SNRPD1: variants seen among roughly 807,000 people sequenced by gnomAD.
The protein encoded by SNRPD1 is small nuclear ribonucleoprotein Sm D1.
A neutral mutation model predicts 14.4 loss-of-function variants in SNRPD1; 1 was observed. The observed-to-expected ratio is 0.07, with a 90% confidence interval of 0.02 to 0.33. The LOEUF is 0.33. Among genes scored for constraint, SNRPD1 ranks in the 10% least tolerant of loss-of-function variants. The probability of loss-of-function intolerance (pLI) is 1.00; values close to 1 mark genes in which losing one functional copy is unlikely to be tolerated. For synonymous variants in SNRPD1, 42 were observed against 50.3 expected, an observed-to-expected ratio of 0.83 and a Z score of 0.70; for missense variants, 52 against 146.4, an observed-to-expected ratio of 0.36 and a Z score of 3.33.
chr18:21,622,718 T>G lies in SNRPD1; in HGVS notation c.15-7T>G. 7.3e-7 allele frequency: 1 copy of G among 1,374,816 alleles called. No homozygotes were observed. The highest frequency in any genetic ancestry group is 1.0e-6 in the Non-Finnish European group (1 of 963,022). The allele number at this position is 1,374,816 out of a possible 1,614,324, so 85.2% of individuals were successfully genotyped here. A position where few individuals can be genotyped will look rare whatever the true frequency, so the allele number is the denominator to read the frequency against. On this transcript the variant is annotated splice_region_variant and splice_polypyrimidine_tract_variant and intron_variant, in intron 1 of 3. Coordinates refer to ENST00000300413, the MANE Select transcript of SNRPD1 (RefSeq NM_006938.4). The stretch of plus-strand genomic sequence containing the variant: ...ACAGGTAAAAATGGTTTTATTCCTA[T>G]TTATAGATTTTTGATGAAATTGAGT...
At chr18:21,623,661 A>G in intron 2 of SNRPD1, 87 bp from the exon 3 acceptor site, 1 of 911,450 alleles carries the variant, frequency 1.1e-6, no homozygotes, top group South Asian at 1.5e-5. Context: ...AATCTTTTGT[A>G]GTCCAGTATT....
At chr18:21,621,190 A>T (rs888103452) in intron 1 of SNRPD1, among the ~76,000 whole-genome samples, 1 of 151,994 alleles carries the variant, frequency 6.6e-6, no homozygotes, top group Admixed American at 6.6e-5. Context: ...TAAGATATTC[A>T]ATCTCACAGG....
intron 3 of SNRPD1, among the ~76,000 whole-genome samples, chr18:21,625,309 GAAA>G (rs201010894): frequency 2.3e-5 from 2 of 88,170 alleles, no homozygotes; most frequent in Non-Finnish European, 4.1e-5. Flanking sequence ...AAATTTTGTT[GAAA>G]AAAATTTTTT....
Position 21,630,859 on chromosome 18 carries a change from G to GA in SNRPD1, c.*1723dup, listed in dbSNP as rs1436228563. On this transcript the variant is annotated 3_prime_UTR_variant, in exon 4 of 4. Coordinates refer to ENST00000300413, the MANE Select transcript of SNRPD1 (RefSeq NM_006938.4). The stretch of plus-strand genomic sequence containing the variant: ...TAATAGATATATTAGTATACATGTA[G>GA]AATGTACCTGTCATATATATTAGAT... 1 of 147,552 alleles carries GA rather than the reference G, an allele frequency of 6.8e-6. No homozygotes were observed. The highest frequency in any genetic ancestry group is 1.5e-5 in the Non-Finnish European group (1 of 67,248). The allele number at this position is 147,552 out of a possible 1,614,324, so 9.1% of individuals were successfully genotyped here. A position where few individuals can be genotyped will look rare whatever the true frequency, so the allele number is the denominator to read the frequency against.
chr18:21,624,765 G>A (rs1028243196), intron 3 of SNRPD1, among the ~76,000 whole-genome samples: 5 of 150,626 alleles, frequency 3.3e-5, no homozygotes, highest in Admixed American at 6.7e-5. Context: ...TCTCTCTCTC[G>A]GTCCTTTATC....
intron 1 of SNRPD1, among the ~76,000 whole-genome samples, chr18:21,620,656 A>C (rs2038990461): frequency 1.3e-5 from 2 of 152,200 alleles, no homozygotes; most frequent in African/African-American, 4.8e-5. Context: ...CTTGGCATAG[A>C]AAAAACCCTT....
intron 3 of SNRPD1, among the ~76,000 whole-genome samples, chr18:21,625,316 A>ATTTTTTTTTT (rs144395165): frequency 0.025 from 2,722 of 108,666 alleles, 385 homozygotes; most frequent in African/African-American, 0.13. Context: ...GTTGAAAAAA[A>ATTTTTTTTTT]TTTTTTTTTT....
intron 3 of SNRPD1, among the ~76,000 whole-genome samples, 172 bp from the exon 4 acceptor site, chr18:21,628,890 A>G (rs2847117): frequency 0.52 from 78,194 of 151,592 alleles, 23,600 homozygotes; most frequent in African/African-American, 0.84. Flanking sequence ...TGGGGGGTGG[A>G]GGGAATCTGA....
chr18:21,617,077 G>C (rs2038963251), intron 1 of SNRPD1, among the ~76,000 whole-genome samples: 1 of 151,980 alleles, frequency 6.6e-6, no homozygotes, highest in Non-Finnish European at 1.5e-5. Context: ...TTTTTTTTCT[G>C]TATGGATTTC....
rs1241769349 is a variant in SNRPD1, at chr18:21,630,556, T to G, written c.*1418T>G. On this transcript the variant is annotated 3_prime_UTR_variant, in exon 4 of 4. Coordinates refer to ENST00000300413, the MANE Select transcript of SNRPD1 (RefSeq NM_006938.4). ...GCAGGTGGATCACGAGGTCAGGAGTTGAAGACCAGCTTGGCCAAGAGGGTG... is the reference window on the plus strand; with the variant it reads ...GCAGGTGGATCACGAGGTCAGGAGTGGAAGACCAGCTTGGCCAAGAGGGTG... 8 of 151,862 alleles carry G rather than the reference T, an allele frequency of 5.3e-5. No individual in the cohort carries two copies. Among genetic ancestry groups the G allele is most frequent in the Admixed American group, 5.3e-4 (8 of 15,226 alleles). 9.4% of individuals were successfully genotyped at this position (151,862 alleles called of 1,614,324 possible).
Position 21,630,826 on chromosome 18 carries a change from A to C in SNRPD1, c.*1688A>C, listed in dbSNP as rs1442194614. On this transcript the variant is annotated 3_prime_UTR_variant, in exon 4 of 4. Coordinates refer to ENST00000300413, the MANE Select transcript of SNRPD1 (RefSeq NM_006938.4). ...TATATGTATTTATACTAATATATAA[A>C]TATATACTAATAGATATATTAGTAT... The C allele has an allele frequency of 6.7e-6, 1 of 148,352 alleles. No individual in the cohort carries two copies. The allele number at this position is 148,352 out of a possible 1,614,324, so 9.2% of individuals were successfully genotyped here. A position where few individuals can be genotyped will look rare whatever the true frequency, so the allele number is the denominator to read the frequency against.
chr18:21,620,458 G>A (rs918377936), intron 1 of SNRPD1, among the ~76,000 whole-genome samples: 20 of 152,082 alleles, frequency 1.3e-4, no homozygotes, highest in Non-Finnish European at 1.6e-4. Flanking sequence ...TATAAAAAGG[G>A]GAGAACGGAA....
chr18:21,632,818 T>G lies in SNRPD1; in HGVS notation c.*3680T>G, dbSNP rs1295605892. 6.5e-6 allele frequency: 1 copy of G among 154,524 alleles called. No individual in the cohort carries two copies. Among genetic ancestry groups the G allele is most frequent in the Non-Finnish European group, 1.4e-5 (1 of 70,484 alleles). 9.6% of individuals were successfully genotyped at this position (154,524 alleles called of 1,614,324 possible). On this transcript the variant is annotated 3_prime_UTR_variant, in exon 4 of 4. Transcript: ENST00000300413. ...TTTAATGAGATGTTACATATGAACT[T>G]TAGTTTTTTTTCTTTTCTTTTCTTT...
intron 1 of SNRPD1, among the ~76,000 whole-genome samples, chr18:21,612,996 C>G (rs2038930601): frequency 6.6e-6 from 1 of 152,176 alleles, no homozygotes; most frequent in Non-Finnish European, 1.5e-5. Context: ...AGCCACCGTG[C>G]CCGGCCGATT....
intron 1 of SNRPD1, among the ~76,000 whole-genome samples, chr18:21,620,236 G>A (rs1251983325): frequency 6.6e-6 from 1 of 152,140 alleles, no homozygotes; most frequent in Non-Finnish European, 1.5e-5. Context: ...TTACAGGCAT[G>A]AGCTACCGCA....
Position 21,622,761 on chromosome 18 carries a change from TG to T in SNRPD1, c.52del (p.Glu18AsnfsTer2). On this transcript the variant is annotated frameshift_variant, in exon 2 of 4. Transcript: ENST00000300413. LOFTEE classifies it high-confidence loss of function. ...MKLSHETVTI[E>X]LKNGTQVHGT... ...AATTGAGTCATGAAACTGTAACCATTGAATTGAAGAACGGAACACAGGTCCA... is the reference window on the plus strand; with the variant it reads ...AATTGAGTCATGAAACTGTAACCATTAATTGAAGAACGGAACACAGGTCCA... 6.3e-7 allele frequency: 1 copy of T among 1,586,196 alleles called. No individual in the cohort carries two copies. Among genetic ancestry groups the T allele is most frequent in the Non-Finnish European group, 8.7e-7 (1 of 1,154,750 alleles).
chr18:21,627,501 G>A (rs1481401412), intron 3 of SNRPD1, among the ~76,000 whole-genome samples: 2 of 144,364 alleles, frequency 1.4e-5, no homozygotes, highest in East Asian at 2.1e-4. Flanking sequence ...GTGCCATGGC[G>A]CGATCTCCAC....
At position 21,631,853 on chromosome 18, in the gene SNRPD1, C is replaced by T. The variant is rs2039087266; in HGVS notation, c.*2715C>T. 6.6e-6 allele frequency: 1 copy of T among 151,932 alleles called. No homozygotes were observed. Among genetic ancestry groups the T allele is most frequent in the Non-Finnish European group, 1.5e-5 (1 of 68,004 alleles). 9.4% of individuals were successfully genotyped at this position (151,932 alleles called of 1,614,324 possible). A position where few individuals can be genotyped will look rare whatever the true frequency, so the allele number is the denominator to read the frequency against. ...AAGTAGAAGGCAAAAGGCAAGAGAC[C>T]CCTGTAATGCAGCAAGTGGAGAGAT... is the stretch of plus-strand genomic sequence containing the variant. On this transcript the variant is annotated 3_prime_UTR_variant, in exon 4 of 4. Coordinates refer to ENST00000300413, the MANE Select transcript of SNRPD1 (RefSeq NM_006938.4).
rs531256245 is a variant in SNRPD1, at chr18:21,628,026, T to G, written c.284-1036T>G. On this transcript the variant is annotated intron_variant, in intron 3 of 3. Coordinates refer to ENST00000300413, the MANE Select transcript of SNRPD1 (RefSeq NM_006938.4). Reference sequence around the variant, plus strand: ...AGTTATTTTGTGAAATGTCCCTTAATTAGCATCTTAAACTTACTATTTATT... The same window carrying G: ...AGTTATTTTGTGAAATGTCCCTTAAGTAGCATCTTAAACTTACTATTTATT... Among the ~76,000 whole-genome samples, 3 of 152,276 alleles carry G rather than the reference T, an allele frequency of 2.0e-5. No homozygotes were observed. In the South Asian group the frequency reaches 6.2e-4, roughly 32 times the overall value.
Sources: allele counts gnomAD v4.1 joint callset (sites outside exome capture counted in the v4.1 genomes callset), GRCh38; gene constraint gnomAD v4.1.1; transcripts MANE v1.5; gene names NCBI Gene and HGNC (gene_info 2026-07-23, HGNC 2026-07-21).